The following BPGM variants were observed in gnomAD, a reference collection of about 807,000 sequenced individuals.
The protein encoded by BPGM is 2,3-bisphosphoglycerate mutase, erythrocyte.
In BPGM, 15 loss-of-function variants were observed where a neutral mutation model predicts 21.6. The ratio of observed to expected loss-of-function variants is 0.70; its 90% CI spans 0.47 to 1.07. The LOEUF (loss-of-function observed/expected upper bound fraction) is 1.07, where lower values mean the gene tolerates loss of function less well. Ranked by LOEUF, BPGM falls within the 50% of genes least tolerant of loss-of-function variation. BPGM has a pLI of 0.00. For missense variants in BPGM, 273 were observed against 319.0 expected (o/e 0.86, Z 1.10); for synonymous variants, 113 against 116.2 (o/e 0.97, Z 0.18).
At chr7:134,662,618 G>A (rs532450246) in intron 2 of BPGM, among the ~76,000 whole-genome samples, 1 of 152,256 alleles carries the variant, frequency 6.6e-6, no homozygotes, top group Non-Finnish European at 1.5e-5. Context: ...TTTTGCTCAC[G>A]TTCTTCCAAC....
At chr7:134,673,432 CCA>C (rs1472950530) in intron 2 of BPGM, among the ~76,000 whole-genome samples, 1 of 151,974 alleles carries the variant, frequency 6.6e-6, no homozygotes, top group East Asian at 1.9e-4. Context: ...TAATTTGGTC[CCA>C]CACAAAAGGG....
At chr7:134,677,251 TTTTCTTTC>T (rs138990312) in intron 2 of BPGM, among the ~76,000 whole-genome samples, 1 of 152,002 alleles carries the variant, frequency 6.6e-6, no homozygotes, top group East Asian at 1.9e-4. Flanking sequence ...TGTGTGTTTC[TTTTCTTTC>T]TTTCTTTCTT....
chr7:134,653,263 A>C (rs567465731), intron 1 of BPGM, among the ~76,000 whole-genome samples: 2 of 152,192 alleles, frequency 1.3e-5, no homozygotes, highest in Non-Finnish European at 2.9e-5. Flanking sequence ...GAAAGCCTAA[A>C]AAATTTGCTA....
chr7:134,674,268 C>A (rs111359952), intron 2 of BPGM, among the ~76,000 whole-genome samples: 2 of 152,096 alleles, frequency 1.3e-5, no homozygotes, highest in Admixed American at 1.3e-4. Flanking sequence ...CTATGCAATT[C>A]GCCATTTAAA....
intron 1 of BPGM, among the ~76,000 whole-genome samples, chr7:134,654,096 T>G (rs192517178): frequency 9.5e-4 from 145 of 151,916 alleles, no homozygotes; most frequent in Non-Finnish European, 1.5e-3. Flanking sequence ...TGAAGTGCTT[T>G]CTCATGGTGT....
At chr7:134,669,907 GAC>G (rs1795878125) in intron 2 of BPGM, among the ~76,000 whole-genome samples, 1 of 152,092 alleles carries the variant, frequency 6.6e-6, no homozygotes, top group Admixed American at 6.6e-5. Context: ...GACTGGTTCA[GAC>G]ACACTTCTCA....
rs1795798943 is a variant in BPGM, at chr7:134,665,294, A to C, written c.601+3186A>C. On this transcript the variant is annotated intron_variant, in intron 2 of 2. Coordinates refer to ENST00000344924, the MANE Select transcript of BPGM (RefSeq NM_001724.5). ...GAATACTATGCAGCCATAAAAAATG[A>C]TGAGTTCATATCCTTTGTAGGGACA... Among the ~76,000 whole-genome samples the C allele has an allele frequency of 2.1e-5, 2 of 94,096 alleles. 1 individual carries two copies. The highest frequency in any genetic ancestry group is 3.9e-5 in the Non-Finnish European group (2 of 50,738). 61.7% of individuals were successfully genotyped at this position (94,096 alleles called of 152,430 possible). A position where few individuals can be genotyped will look rare whatever the true frequency, so the allele number is the denominator to read the frequency against.
chr7:134,656,105 C>T (rs1053446561), intron 1 of BPGM, among the ~76,000 whole-genome samples: 5 of 152,214 alleles, frequency 3.3e-5, no homozygotes, highest in African/African-American at 9.6e-5. Flanking sequence ...TGCATATTCA[C>T]AGTCCCACCC....
In BPGM at chr7:134,661,985, G is replaced by A; in HGVS notation, c.478G>A (p.Asp160Asn). 6.2e-7 allele frequency: 1 copy of A among 1,614,184 alleles called. No individual in the cohort carries two copies. The change falls in exon 2 of 3, where the codon GAT becomes AAT. Residue 160 changes from aspartate to asparagine, a missense_variant. Physicochemically the swap from Asp to Asn is conservative, Grantham distance 23. Transcript: ENST00000344924. This position sits in a 1 kb window ranked among gnomAD's most constrained non-coding sequence, Gnocchi z 4.6. ...ACTGCCACGGTCGGAAAGCTTAAAG[G>A]ATGTTCTGGAGAGACTCCTTCCCTA... Reference protein sequence around the residue: ...DQLPRSESLKDVLERLLPYWN... With the variant: ...DQLPRSESLKNVLERLLPYWN...
intron 1 of BPGM, among the ~76,000 whole-genome samples, chr7:134,648,396 A>C (rs1329555966): frequency 6.6e-6 from 1 of 151,896 alleles, no homozygotes; most frequent in East Asian, 1.9e-4. Flanking sequence ...CGGCCTCCCA[A>C]AGTGCTGGGA....
chr7:134,673,535 C>T (rs953962108), intron 2 of BPGM, among the ~76,000 whole-genome samples: 1 of 152,182 alleles, frequency 6.6e-6, no homozygotes, highest in Non-Finnish European at 1.5e-5. Context: ...CCCATGTATA[C>T]CCAAGCCCCT....
chr7:134,672,804 G>T (rs1463357719), intron 2 of BPGM, among the ~76,000 whole-genome samples: 1 of 152,006 alleles, frequency 6.6e-6, no homozygotes, highest in Non-Finnish European at 1.5e-5. Context: ...AACTTTCTTA[G>T]GATGATGAAT....
Position 134,669,597 on chromosome 7 carries a change from A to G in BPGM, c.601+7489A>G, listed in dbSNP as rs868328596. Among the ~76,000 whole-genome samples the G allele has an allele frequency of 3.9e-5, 6 of 152,254 alleles. No homozygotes were observed. The South Asian group carries it at 1.0e-3, about 26-fold the overall frequency. On this transcript the variant is annotated intron_variant, in intron 2 of 2. Coordinates refer to ENST00000344924, the MANE Select transcript of BPGM (RefSeq NM_001724.5). ...TCGGAGCTAGATAACACTCTTGTAT[A>G]AGAATTGCAAACACTGAAACCACAT...
rs1405342216 is a variant in BPGM at position 134,662,030 on chromosome 7, C to A, written c.523C>A (p.Pro175Thr). 2 of 1,614,122 alleles carry A rather than the reference C, an allele frequency of 1.2e-6. No individual in the cohort carries two copies. The highest frequency in any genetic ancestry group is 2.2e-5 in the South Asian group (2 of 91,070). ...TCCCTATTGGAATGAAAGGATTGCT[C>A]CCGAAGTATTACGTGGCAAAACCAT... ...LLPYWNERIA[P>T]EVLRGKTILI... The change falls in exon 2 of 3, where the codon CCC becomes ACC. Residue 175 changes from proline to threonine, a missense_variant. Pro to Thr is a conservative substitution (Grantham distance 38, BLOSUM62 -1). Coordinates refer to ENST00000344924, the MANE Select transcript of BPGM (RefSeq NM_001724.5).
chr7:134,678,847 C>G lies in BPGM; in HGVS notation c.602-6C>G. ...ACACCTGGTCTCTTCCTGTCCTGAT[C>G]AACAGGTATCTCAGATGAAGACATC... is the stretch of plus-strand genomic sequence containing the variant. On this transcript the variant is annotated splice_region_variant and splice_polypyrimidine_tract_variant and intron_variant, in intron 2 of 2. Transcript: ENST00000344924. 1 of 1,612,836 alleles carries G rather than the reference C, an allele frequency of 6.2e-7. No homozygotes were observed. Among genetic ancestry groups the G allele is most frequent in the Non-Finnish European group, 8.5e-7 (1 of 1,178,860 alleles).
intron 1 of BPGM, among the ~76,000 whole-genome samples, chr7:134,651,992 G>A (rs1193995210): frequency 6.6e-6 from 1 of 152,182 alleles, no homozygotes; most frequent in East Asian, 1.9e-4. Context: ...GAGATTAACA[G>A]GATGAATCCT....
Position 134,669,801 on chromosome 7 carries a change from A to G in BPGM, c.601+7693A>G, listed in dbSNP as rs370316799. Reference sequence around the variant, plus strand: ...AAACAAGACATACAGAATATTATATAGTAAAAAAATGCCTACTTAAGGGAC... The same window carrying G: ...AAACAAGACATACAGAATATTATATGGTAAAAAAATGCCTACTTAAGGGAC... On this transcript the variant is annotated intron_variant, in intron 2 of 2. Coordinates refer to ENST00000344924, the MANE Select transcript of BPGM (RefSeq NM_001724.5). Among the ~76,000 whole-genome samples, 21 of 152,336 alleles carry G rather than the reference A, an allele frequency of 1.4e-4. 1 individual carries two copies. The highest frequency in any genetic ancestry group is 5.1e-4 in the African/African-American group (21 of 41,580).
chr7:134,671,502 C>T (rs940816070), intron 2 of BPGM, among the ~76,000 whole-genome samples: 2 of 151,852 alleles, frequency 1.3e-5, no homozygotes, highest in Admixed American at 1.3e-4. Flanking sequence ...GCTGGGACTA[C>T]AGGTACCCGC....
At chr7:134,658,277 G>A (rs1331864888) in intron 1 of BPGM, 1 of 151,940 alleles carries the variant, frequency 6.6e-6, no homozygotes, top group Non-Finnish European at 1.5e-5. Flanking sequence ...GTTTCTCTGT[G>A]GTCTGACTCT....
Sources: gnomAD v4.1 joint callset for allele counts (sites outside exome capture counted in the v4.1 genomes callset) on GRCh38, gnomAD v4.1.1 for gene constraint, Gnocchi (gnomAD v3.1) non-coding constraint, MANE v1.5 for transcripts, NCBI Gene and HGNC (gene_info 2026-07-23, HGNC 2026-07-21) for gene names.